The following STPG1 variants were observed in gnomAD, a reference collection of about 807,000 sequenced individuals.
STPG1 encodes the protein O(6)-methylguanine-induced apoptosis 2.
A neutral mutation model predicts 40.1 loss-of-function variants in STPG1; 33 were observed. That is an observed-to-expected ratio of 0.82 (90% CI 0.62 to 1.10). The LOEUF is 1.10. STPG1 is among the 50% of genes least tolerant of loss of function. The pLI is 0.00. For synonymous variants in STPG1, 150 were observed against 155.0 expected (o/e 0.97, Z 0.24); for missense variants, 396 against 415.1 (o/e 0.95, Z 0.40).
intron 1 of STPG1, among the ~76,000 whole-genome samples, chr1:24,402,198 G>A (rs1288130794): frequency 6.6e-6 from 1 of 152,136 alleles, no homozygotes; most frequent in Non-Finnish European, 1.5e-5. Context: ...TGTCACAATT[G>A]TTGCCTTTCT....
intron 3 of STPG1, among the ~76,000 whole-genome samples, chr1:24,389,279 C>T (rs946389153): frequency 2.0e-5 from 3 of 152,170 alleles, no homozygotes; most frequent in Non-Finnish European, 4.4e-5. Context: ...GGAATGGGGC[C>T]CATCCACGGT....
rs1156454526 is a variant in STPG1 at position 24,379,824 on chromosome 1, C to T, written c.292-1G>A. 3 of 1,613,436 alleles carry T rather than the reference C, an allele frequency of 1.9e-6. No homozygotes were observed. Among genetic ancestry groups the T allele is most frequent in the Admixed American group, 1.7e-5 (1 of 59,984 alleles). On this transcript the variant is annotated splice_acceptor_variant, in intron 4 of 8. Coordinates refer to ENST00000337248, the MANE Select transcript of STPG1 (RefSeq NM_001199013.2). LOFTEE classifies it high-confidence loss of function. ...AAATGATGGTGTCCAATCGGGCGCA[C>T]TGTAAGGAGACAACCAAAGGAATCA...
intron 1 of STPG1, among the ~76,000 whole-genome samples, chr1:24,402,717 G>A (rs1486149306): frequency 7.1e-6 from 1 of 141,760 alleles, no homozygotes; most frequent in Non-Finnish European, 1.5e-5. Flanking sequence ...CTGCACTCCA[G>A]AATGGACAAC....
chr1:24,414,531 CTTTTTTTTTTTTTTT>C (rs57135976), upstream of STPG1: 6 of 83,162 alleles, frequency 7.2e-5, no homozygotes, highest in Admixed American at 1.4e-4. Context: ...GAAATCCAAG[CTTTTTTTTTTTTTTT>C]TTTTTTTTTG....
chr1:24,390,869 G>C (rs1039325721), intron 3 of STPG1, among the ~76,000 whole-genome samples: 6 of 126,728 alleles, frequency 4.7e-5, no homozygotes, highest in Non-Finnish European at 8.1e-5. Context: ...GCGCTATCTT[G>C]GTTCAATGCA....
chr1:24,402,745 C>CA (rs4024512), intron 1 of STPG1, among the ~76,000 whole-genome samples: 258 of 107,864 alleles, frequency 2.4e-3, no homozygotes, highest in Middle Eastern at 0.012. Flanking sequence ...CAGCCTATCT[C>CA]AAAAAAAAAA....
At chr1:24,358,858 C>T (rs1019563746) in intron 8 of STPG1, among the ~76,000 whole-genome samples, 2 of 152,140 alleles carry the variant, frequency 1.3e-5, no homozygotes, top group Non-Finnish European at 1.5e-5. Flanking sequence ...TTTAACAGAA[C>T]AAAATTTACA....
At chr1:24,390,602 A>G (rs371195922) in intron 3 of STPG1, among the ~76,000 whole-genome samples, 2 of 151,994 alleles carry the variant, frequency 1.3e-5, no homozygotes, top group Non-Finnish European at 2.9e-5. Context: ...TATTTTTAGT[A>G]GAGATGGGGT....
Position 24,379,778 on chromosome 1 carries a change from C to A in STPG1, c.337G>T (p.Ala113Ser), listed in dbSNP as rs751484558. 5.0e-6 allele frequency: 8 copies of A among 1,614,084 alleles called. No individual in the cohort carries two copies. Among genetic ancestry groups the A allele is most frequent in the Non-Finnish European group, 6.8e-6 (8 of 1,179,950 alleles). The change falls in exon 5 of 9, where the codon GCA becomes TCA. Residue 113 changes from alanine (A) to serine (S), a missense_variant. Coordinates refer to ENST00000337248, the MANE Select transcript of STPG1 (RefSeq NM_001199013.2). ...TIISKYPAANAYTIPSDFISK... is the reference protein window; with the variant it reads ...TIISKYPAANSYTIPSDFISK... ...ATAAAATCCGATGGGATAGTGTATG[C>A]ATTCGCTGCAGGGTATTTAGAAATG...
intron 1 of STPG1, among the ~76,000 whole-genome samples, chr1:24,411,031 T>C (rs1375753310): frequency 6.6e-6 from 1 of 152,180 alleles, no homozygotes; most frequent in Non-Finnish European, 1.5e-5. Flanking sequence ...TACCTTCCTC[T>C]TAGGCTGATC....
intron 1 of STPG1, among the ~76,000 whole-genome samples, chr1:24,408,379 A>C (rs1643490365): frequency 6.6e-6 from 1 of 152,182 alleles, no homozygotes; most frequent in Non-Finnish European, 1.5e-5. Flanking sequence ...GTTTCTTCTC[A>C]TGCATGTGCA....
rs182217323 is a variant in STPG1, at chr1:24,383,440, G to A, written c.291+462C>T. On this transcript the variant is annotated intron_variant, in intron 4 of 8. Transcript: ENST00000337248. ...ACAAAAATTAAGTCCCATATCTTAC[G>A]AAGAGAAGGAAAGGGGTGGGGCCAG... is the stretch of plus-strand genomic sequence containing the variant. Among the ~76,000 whole-genome samples, 5 of 152,252 alleles carry A rather than the reference G, an allele frequency of 3.3e-5. No homozygotes were observed. The East Asian group carries it at 5.8e-4, about 18-fold the overall frequency.
chr1:24,397,261 C>T (rs1333643747), intron 2 of STPG1, among the ~76,000 whole-genome samples: 2 of 152,056 alleles, frequency 1.3e-5, no homozygotes, highest in East Asian at 1.9e-4. Flanking sequence ...ACATCTCCCT[C>T]GATAATTTAA....
chr1:24,386,652 T>C (rs1360557564), intron 3 of STPG1, among the ~76,000 whole-genome samples: 2 of 152,370 alleles, frequency 1.3e-5, no homozygotes, highest in South Asian at 2.1e-4. Flanking sequence ...CTGTGACTTC[T>C]AGAGGTGGGC....
chr1:24,406,090 C>T (rs973962943), intron 1 of STPG1, among the ~76,000 whole-genome samples: 43 of 150,624 alleles, frequency 2.9e-4, no homozygotes, highest in African/African-American at 9.7e-4. Flanking sequence ...TATGGCTGGG[C>T]TTAAACCTAT....
intron 4 of STPG1, among the ~76,000 whole-genome samples, chr1:24,382,176 C>T (rs1313050002): frequency 6.6e-6 from 1 of 152,190 alleles, no homozygotes. Context: ...TCAGGCTTTT[C>T]ATTTGGAAAG....
At position 24,358,396 on chromosome 1, in the gene STPG1, G is replaced by T. The variant is rs752372273; in HGVS notation, c.*147C>A. On this transcript the variant is annotated 3_prime_UTR_variant, in exon 9 of 9. Coordinates refer to ENST00000337248, the MANE Select transcript of STPG1 (RefSeq NM_001199013.2). ...AAGACAAAGGCAATGGCAGCAGTCC[G>T]GCTAGGATGCCAGGCCAGAGTGGTA... 38 of 754,262 alleles carry T rather than the reference G, an allele frequency of 5.0e-5. No homozygotes were observed. The Middle Eastern group carries it at 2.3e-3, about 45-fold the overall frequency. 46.7% of individuals were successfully genotyped at this position (754,262 alleles called of 1,614,324 possible). A position where few individuals can be genotyped will look rare whatever the true frequency, so the allele number is the denominator to read the frequency against.
intron 7 of STPG1, among the ~76,000 whole-genome samples, chr1:24,367,937 A>G (rs7532539): frequency 0.37 from 56,783 of 152,116 alleles, 10,763 homozygotes; most frequent in East Asian, 0.43. Flanking sequence ...TGGAAGGTAC[A>G]GAGCTGGGAT....
rs1313321792 is a variant in STPG1 at position 24,360,873 on chromosome 1, A to G, written c.906T>C (p.Pro302=). The part of the protein sequence containing the change: ...SNTSRWTAAP[P]QPGLPGPATY... ...GACCTGGGCCAGGCAGGCCTGGCTG[A>G]GGCGGCGCCGCTGTCCACCGGCTGG... Residue 302 remains proline (P), a synonymous_variant, in exon 8 of 9, where the codon CCT becomes CCC. Coordinates refer to ENST00000337248, the MANE Select transcript of STPG1 (RefSeq NM_001199013.2). The G allele has an allele frequency of 6.2e-7, 1 of 1,613,146 alleles. No individual in the cohort carries two copies. The highest frequency in any genetic ancestry group is 1.3e-5 in the African/African-American group (1 of 74,872).
Sources: gnomAD v4.1 joint callset for allele counts (sites outside exome capture counted in the v4.1 genomes callset) on GRCh38, gnomAD v4.1.1 for gene constraint, MANE v1.5 for transcripts, NCBI Gene and HGNC (gene_info 2026-07-23, HGNC 2026-07-21) for gene names.